Variants in DSG3 observed in about 807,000 individuals in gnomAD.
DSG3 encodes desmoglein-3.
DSG3 carries 63 observed loss-of-function variants against 85.9 expected under a neutral mutation model. The observed-to-expected ratio is 0.73, with a 90% CI of 0.60 to 0.90. The LOEUF is 0.90. DSG3 is among the 40% of genes least tolerant of loss of function. DSG3 has a pLI of 0.00. For missense variants in DSG3, 1,220 were observed against 1,219.9 expected (o/e 1.00, Z 0.00); for synonymous variants, 447 against 441.9 (o/e 1.01, Z -0.14).
intron 12 of DSG3, among the ~76,000 whole-genome samples, chr18:31,469,601 A>G (rs953531438): frequency 6.6e-5 from 10 of 152,202 alleles, no homozygotes; most frequent in African/African-American, 2.4e-4. Context: ...AATCAAGAGA[A>G]AAGCAAATCA....
At chr18:31,450,043 C>A (rs996227287) in intron 1 of DSG3, among the ~76,000 whole-genome samples, 1 of 152,210 alleles carries the variant, frequency 6.6e-6, no homozygotes, top group African/African-American at 2.4e-5. Flanking sequence ...TGTTAAAATG[C>A]ATTTCACCTT....
chr18:31,449,797 A>G (rs2072700503), intron 1 of DSG3, among the ~76,000 whole-genome samples: 1 of 152,218 alleles, frequency 6.6e-6, no homozygotes, highest in Non-Finnish European at 1.5e-5. Flanking sequence ...TAATTGTTCA[A>G]CTGAGTGGTC....
At chr18:31,473,750 A>T (rs117543671) in intron 14 of DSG3, among the ~76,000 whole-genome samples, 66 of 152,206 alleles carry the variant, frequency 4.3e-4, no homozygotes, top group Non-Finnish European at 8.5e-4. Context: ...TGGTTTCCAT[A>T]CTGAGCTCAT....
In DSG3 at chr18:31,448,655, CA is replaced by C. The variant is rs56245514; in HGVS notation, c.48+743del. The stretch of plus-strand genomic sequence containing the variant: ...TTACTCCTTAACTGTGTTCTTATAG[CA>C]AAAAAAAAAAAAGAAAAGTCACAAT... On this transcript the variant is annotated intron_variant, in intron 1 of 15. Coordinates refer to ENST00000257189, the MANE Select transcript of DSG3 (RefSeq NM_001944.3). 5.9e-3 allele frequency among the ~76,000 whole-genome samples: 769 copies of C among 131,050 alleles called. 2 individuals are homozygous for C. Among genetic ancestry groups the C allele is most frequent in the African/African-American group, 0.01 (366 of 36,406 alleles). 86.0% of individuals were successfully genotyped at this position (131,050 alleles called of 152,430 possible). A position where few individuals can be genotyped will look rare whatever the true frequency, so the allele number is the denominator to read the frequency against.
At position 31,460,849 on chromosome 18, in the gene DSG3, G is replaced by A. The variant is rs144692416; in HGVS notation, c.701G>A (p.Arg234His). The A allele has an allele frequency of 2.1e-4, 330 of 1,581,092 alleles. 1 individual carries two copies. The highest frequency in any genetic ancestry group is 9.4e-4 in the Admixed American group (48 of 51,080). ...CAAAATTAGCAAGCTAGCAGCTATC[G>A]TCTGGTTGTGAGTGGTGCAGACAAA... ...SLDREQASSYRLVVSGADKDG... is the reference protein window; with the variant it reads ...SLDREQASSYHLVVSGADKDG... Residue 234 changes from arginine (R) to histidine (H), a missense_variant, in exon 7 of 16, where the codon CGT (arginine) becomes CAT (histidine). By Grantham distance (29) the Arg-to-His change is conservative (BLOSUM62 0). Coordinates refer to ENST00000257189, the MANE Select transcript of DSG3 (RefSeq NM_001944.3).
intron 4 of DSG3, 134 bp downstream of exon 4, chr18:31,458,734 G>A: frequency 9.3e-7 from 1 of 1,072,538 alleles, no homozygotes; most frequent in Non-Finnish European, 1.3e-6. Flanking sequence ...AACAATATTA[G>A]TCCCTCCACA....
intron 14 of DSG3, 39 bp from the exon 15 acceptor site, chr18:31,474,082 C>T: frequency 6.3e-7 from 1 of 1,575,782 alleles, no homozygotes; most frequent in South Asian, 1.2e-5. Context: ...CAACAAACAA[C>T]AGCATAAGAT....
chr18:31,457,950 C>T (rs67423158), intron 3 of DSG3, among the ~76,000 whole-genome samples: 10,459 of 151,942 alleles, frequency 0.069, 799 homozygotes, highest in African/African-American at 0.2. Flanking sequence ...TCTAACTTTA[C>T]ATATATTTCA....
Position 31,464,207 on chromosome 18 carries a change from C to T in DSG3, c.1096C>T (p.Gln366Ter), listed in dbSNP as rs1228054688. ...ATCAGTTATCTCTCGATACCGAGTT[C>T]AGTCAACCCCAGTCACAATTCAGGT... ...HQSVISRYRVQSTPVTIQVIN... is the reference protein window; with the variant it reads ...HQSVISRYRV The change falls in exon 9 of 16, where the codon CAG becomes TAG. Residue 366 changes from glutamine (Q) to a stop codon, truncating the protein, a stop_gained. Coordinates refer to ENST00000257189, the MANE Select transcript of DSG3 (RefSeq NM_001944.3). LOFTEE classifies it high-confidence loss of function. 1.9e-6 allele frequency: 3 copies of T among 1,614,148 alleles called. No homozygotes were observed. The highest frequency in any genetic ancestry group is 2.5e-6 in the Non-Finnish European group (3 of 1,180,004).
rs577530234 is a variant in DSG3, at chr18:31,458,513, G to A, written c.285G>A (p.Pro95=). 37 of 1,613,870 alleles carry A rather than the reference G, an allele frequency of 2.3e-5. No individual in the cohort carries two copies. Among genetic ancestry groups the A allele is most frequent in the Middle Eastern group, 1.6e-4 (1 of 6,084 alleles). The change falls in exon 4 of 16, where the codon CCG becomes CCA. Residue 95 remains proline (P), a synonymous_variant. Transcript: ENST00000257189. ...TCTCTGGAGTGGGAATCGATCAGCC[G>A]CCTTTTGGAATCTTTGTTGTTGACA... The part of the protein sequence containing the change: ...YRISGVGIDQ[P]PFGIFVVDKN...
chr18:31,478,578 T>C lies in DSG3; in HGVS notation c.*2318T>C, dbSNP rs2072903430. ...TGCATTTTTTACACAAAACTTGTTT[T>C]AAGCATAAAATTTTAAAACTGTACT... On this transcript the variant is annotated 3_prime_UTR_variant, in exon 16 of 16. Transcript: ENST00000257189. 6.6e-6 allele frequency: 1 copy of C among 152,224 alleles called. No homozygotes were observed. Among genetic ancestry groups the C allele is most frequent in the African/African-American group, 2.4e-5 (1 of 41,460 alleles). 9.4% of individuals were successfully genotyped at this position (152,224 alleles called of 1,614,324 possible).
At chr18:31,472,602 G>T (rs574546231) in intron 13 of DSG3, 123 bp from the exon 14 acceptor site, 1 of 1,276,458 alleles carries the variant, frequency 7.8e-7, no homozygotes, top group East Asian at 2.5e-5. Flanking sequence ...AATGGTTATC[G>T]CTGAAAGAAT....
intron 9 of DSG3, among the ~76,000 whole-genome samples, chr18:31,464,907 C>A (rs1340226774): frequency 6.6e-6 from 1 of 152,114 alleles, no homozygotes; most frequent in Admixed American, 6.5e-5. Flanking sequence ...GAGGCCGAGG[C>A]AGATGGATCA....
chr18:31,463,466 G>T (rs1028115255), intron 8 of DSG3, among the ~76,000 whole-genome samples: 4 of 152,190 alleles, frequency 2.6e-5, no homozygotes, highest in African/African-American at 9.7e-5. Flanking sequence ...GTGAAGAAAA[G>T]TTATCCTGGG....
chr18:31,454,957 CATTGCACTCCAGCCAGGGCAAAA>C (rs1221584825), intron 1 of DSG3, among the ~76,000 whole-genome samples: 2 of 150,382 alleles, frequency 1.3e-5, no homozygotes, highest in African/African-American at 2.5e-5. Flanking sequence ...AAGATCGCAC[CATTGCACTCCAGCCAGGGCAAAA>C]ATTGCACTCC....
At chr18:31,473,862 C>T (rs1427290714) in intron 14 of DSG3, among the ~76,000 whole-genome samples, 1 of 152,294 alleles carries the variant, frequency 6.6e-6, no homozygotes, top group East Asian at 1.9e-4. Flanking sequence ...CTATTTCTGG[C>T]TGTTGTCACT....
chr18:31,448,543 T>C (rs535983474), intron 1 of DSG3, among the ~76,000 whole-genome samples: 7 of 152,212 alleles, frequency 4.6e-5, no homozygotes, highest in African/African-American at 1.7e-4. Context: ...GTAATACTTC[T>C]GTTGATTGAG....
chr18:31,475,959 CTT>C lies in DSG3; in HGVS notation c.2701_2702del (p.Leu901ValfsTer23), dbSNP rs2072884458. On this transcript the variant is annotated frameshift_variant, in exon 16 of 16. Transcript: ENST00000257189. LOFTEE classifies it low-confidence loss of function (END_TRUNC). ...CAGACAGGATTTGTTAAGTGCCAGACTTTGTCAGGAAGTCAAGGAGCTTCTGC... is the reference window on the plus strand; with the variant it reads ...CAGACAGGATTTGTTAAGTGCCAGACTGTCAGGAAGTCAAGGAGCTTCTGC... 1 of 1,614,198 alleles carries C rather than the reference CTT, an allele frequency of 6.2e-7. No homozygotes were observed. The highest frequency in any genetic ancestry group is 8.5e-7 in the Non-Finnish European group (1 of 1,180,032).
chr18:31,468,940 A>C (rs984865536), intron 11 of DSG3, 149 bp from the exon 12 acceptor site: 31 of 1,144,904 alleles, frequency 2.7e-5, no homozygotes, highest in Non-Finnish European at 3.9e-5. Context: ...TGACACCTTG[A>C]TATTGAGCTT....
Sources: allele counts gnomAD v4.1 joint callset (sites outside exome capture counted in the v4.1 genomes callset), GRCh38; gene constraint gnomAD v4.1.1; transcripts MANE v1.5; gene names NCBI Gene and HGNC (gene_info 2026-07-23, HGNC 2026-07-21).